The following RGS12 variants were observed in gnomAD, a reference collection of about 807,000 sequenced individuals.
The protein encoded by RGS12 is regulator of G protein signaling 12, also known as regulator of G-protein signaling 12.
RGS12 carries 66 observed loss-of-function variants against 120.1 expected under a neutral mutation model. The ratio of observed to expected loss-of-function variants is 0.55; its 90% CI spans 0.45 to 0.67. The LOEUF (loss-of-function observed/expected upper bound fraction) is 0.67, where lower values mean the gene tolerates loss of function less well. Among genes scored for constraint, RGS12 ranks in the 30% least tolerant of loss-of-function variants. The probability of loss-of-function intolerance (pLI) is 0.00; values close to 1 mark genes in which losing one functional copy is unlikely to be tolerated. For synonymous variants in RGS12, 827 were observed against 804.7 expected (o/e 1.03, Z -0.47); for missense variants, 1,859 against 1,957.7 (o/e 0.95, Z 0.95).
chr4:3,313,832 C>T (rs1198432867), intron 1 of RGS12, among the ~76,000 whole-genome samples: 1 of 152,208 alleles, frequency 6.6e-6, no homozygotes, highest in African/African-American at 2.4e-5. Context: ...TCTCTAGAGC[C>T]TTCACGTGGT....
chr4:3,370,991 C>T (rs980735690), intron 3 of RGS12, among the ~76,000 whole-genome samples: 18 of 152,142 alleles, frequency 1.2e-4, no homozygotes, highest in Non-Finnish European at 2.4e-4. Context: ...TCATTCTTTT[C>T]TGGGAATTGT....
At chr4:3,294,431 C>G (rs1723249252) in intron 1 of RGS12, among the ~76,000 whole-genome samples, 1 of 152,018 alleles carries the variant, frequency 6.6e-6, no homozygotes, top group Non-Finnish European at 1.5e-5. Flanking sequence ...AAGGGAGAAC[C>G]AGTTTATATT....
rs538779657 is a variant in RGS12, at chr4:3,420,134, A to G, written c.2762-508A>G. ...TTGACACTTCATTACGGTTCATGTC[A>G]GGACGTCAGAGGAAAAGGACGTGGA... is the stretch of plus-strand genomic sequence containing the variant. On this transcript the variant is annotated intron_variant, in intron 9 of 17. Transcript: ENST00000336727. Among the ~76,000 whole-genome samples the G allele has an allele frequency of 3.9e-5, 6 of 152,338 alleles. No individual in the cohort carries two copies. The East Asian group carries it at 1.2e-3, about 29-fold the overall frequency.
chr4:3,290,920 C>A (rs1380352742), upstream of RGS12, among the ~76,000 whole-genome samples: 1 of 152,264 alleles, frequency 6.6e-6, no homozygotes, highest in Non-Finnish European at 1.5e-5. Flanking sequence ...CACCTTCTCT[C>A]CGTCTCAGGC....
At chr4:3,408,545 T>C (rs921527505) in intron 4 of RGS12, among the ~76,000 whole-genome samples, 1 of 152,202 alleles carries the variant, frequency 6.6e-6, no homozygotes, top group Non-Finnish European at 1.5e-5. Context: ...GGGTGGACGT[T>C]TTCCGGTAGC....
intron 3 of RGS12, among the ~76,000 whole-genome samples, chr4:3,378,908 A>G (rs7692870): frequency 0.022 from 3,352 of 152,304 alleles, 132 homozygotes; most frequent in African/African-American, 0.076. Context: ...CTCCAGAGGA[A>G]ATAAAATCAG....
intron 4 of RGS12, among the ~76,000 whole-genome samples, chr4:3,408,424 G>T (rs192446866): frequency 6.6e-6 from 1 of 152,310 alleles, no homozygotes; most frequent in East Asian, 1.9e-4. Flanking sequence ...TGCTCAGGGG[G>T]CTCTGCCTCG....
At chr4:3,362,609 TGTC>T (rs373008504) in intron 3 of RGS12, among the ~76,000 whole-genome samples, 14 of 131,834 alleles carry the variant, frequency 1.1e-4, no homozygotes, top group South Asian at 2.5e-4. Context: ...GGTGCGAGGA[TGTC>T]GTGAGGGGGT....
intron 3 of RGS12, among the ~76,000 whole-genome samples, chr4:3,349,377 A>G (rs1007024906): frequency 1.3e-5 from 2 of 152,210 alleles, no homozygotes; most frequent in African/African-American, 4.8e-5. Context: ...AGTCTTTGTC[A>G]TACAAAATTA....
chr4:3,327,176 C>T (rs568798055), intron 2 of RGS12, among the ~76,000 whole-genome samples: 4 of 152,252 alleles, frequency 2.6e-5, no homozygotes, highest in East Asian at 1.9e-4. Context: ...ACAAAGTTAA[C>T]GAGAGCATAC....
At chr4:3,384,445 C>T (rs1459767727) in intron 3 of RGS12, among the ~76,000 whole-genome samples, 2 of 152,192 alleles carry the variant, frequency 1.3e-5, no homozygotes. Context: ...TGAGCCACTG[C>T]GCCCAGCCTT....
intron 17 of RGS12, 124 bp downstream of exon 17, chr4:3,431,079 C>A (rs1724254500): frequency 6.8e-7 from 1 of 1,460,134 alleles, no homozygotes; most frequent in East Asian, 2.5e-5. Flanking sequence ...ACCCCCTCCT[C>A]ACCTGCTGGT....
intron 2 of RGS12, among the ~76,000 whole-genome samples, chr4:3,321,544 C>T (rs1256714167): frequency 6.6e-6 from 1 of 152,186 alleles, no homozygotes; most frequent in Non-Finnish European, 1.5e-5. Context: ...GTGTCTGGCA[C>T]AGTGCCCCGT....
intron 4 of RGS12, among the ~76,000 whole-genome samples, chr4:3,410,530 G>A (rs531295137): frequency 1.2e-4 from 18 of 152,216 alleles, no homozygotes; most frequent in African/African-American, 1.2e-4. Context: ...AGCACTGGGC[G>A]GGAGGTCCTA....
At chr4:3,321,308 G>T (rs1036263210) in intron 2 of RGS12, among the ~76,000 whole-genome samples, 2 of 152,198 alleles carry the variant, frequency 1.3e-5, no homozygotes, top group Non-Finnish European at 2.9e-5. Flanking sequence ...AGCTGTGAGA[G>T]AGTGAAGCAG....
Position 3,428,660 on chromosome 4 carries a change from G to A in RGS12, c.3514G>A (p.Ala1172Thr). The A allele has an allele frequency of 6.3e-7, 1 of 1,599,606 alleles. No individual in the cohort carries two copies. The highest frequency in any genetic ancestry group is 8.5e-7 in the Non-Finnish European group (1 of 1,176,058). Residue 1172 changes from alanine to threonine, a missense_variant, in exon 16 of 18, where the codon GCA becomes ACA. By Grantham distance (58) the Ala-to-Thr change is moderately conservative. Transcript: ENST00000336727. ...GCTTTCAAAGAGAGAAGAATCTATTGCAAAGATTGGGAAAAAAAAATATCA... is the reference window on the plus strand; with the variant it reads ...GCTTTCAAAGAGAGAAGAATCTATTACAAAGATTGGGAAAAAAAAATATCA... Reference protein sequence around the residue: ...PRLSKREESIAKIGKKKYQKI... With the variant: ...PRLSKREESITKIGKKKYQKI...
intron 15 of RGS12, 118 bp downstream of exon 15, chr4:3,428,287 G>A (rs757353858): frequency 6.1e-6 from 6 of 990,284 alleles, no homozygotes; most frequent in Middle Eastern, 2.1e-4. Flanking sequence ...TCTCCCCCAC[G>A]CTCCTTGGCG....
At position 3,316,972 on chromosome 4, in the gene RGS12, A is replaced by G. The variant is rs770239962; in HGVS notation, c.802A>G (p.Ile268Val). 1 of 1,613,822 alleles carries G rather than the reference A, an allele frequency of 6.2e-7. No individual in the cohort carries two copies. The highest frequency in any genetic ancestry group is 8.5e-7 in the Non-Finnish European group (1 of 1,180,010). ...GCGGCGCCTGCGGGCAGAGCAGAAA[A>G]TCCACTCGCTGGTGACCATGAAGAT... is the stretch of plus-strand genomic sequence containing the variant. ...CMRRLRAEQKIHSLVTMKIMH... is the reference protein window; with the variant it reads ...CMRRLRAEQKVHSLVTMKIMH... Residue 268 changes from isoleucine to valine, a missense_variant, in exon 2 of 18, where the codon ATC (isoleucine) becomes GTC (valine). Around this residue, in one of 3 missense-constraint regions of RGS12, gnomAD observed 967 missense variants for 994.2 expected, o/e 0.97. Coordinates refer to ENST00000336727, the MANE Select transcript of RGS12 (RefSeq NM_001394154.1).
chr4:3,326,374 G>T (rs2108715540), intron 2 of RGS12, among the ~76,000 whole-genome samples: 1 of 152,280 alleles, frequency 6.6e-6, no homozygotes, highest in East Asian at 1.9e-4. Flanking sequence ...AGCCTCCCAA[G>T]TAGCTAGAAC....
Sources: allele counts gnomAD v4.1 joint callset (sites outside exome capture counted in the v4.1 genomes callset), GRCh38; gene constraint gnomAD v4.1.1; regional missense constraint gnomAD v4.1.1; transcripts MANE v1.5; gene names NCBI Gene and HGNC (gene_info 2026-07-23, HGNC 2026-07-21).